The following CDH13 variants were observed in gnomAD, a reference collection of about 807,000 sequenced individuals.
The protein encoded by CDH13 is cadherin-13.
A neutral mutation model predicts 63.8 loss-of-function variants in CDH13; 24 were observed. That is an observed-to-expected ratio of 0.38 (90% CI 0.27 to 0.53). CDH13 has a LOEUF of 0.53. CDH13 is among the 20% of genes least tolerant of loss of function. The pLI, the probability that CDH13 is intolerant of heterozygous loss-of-function variation, is 0.85. For synonymous variants in CDH13, 503 were observed against 355.3 expected, an observed-to-expected ratio of 1.42 and a Z score of -4.67; for missense variants, 1,049 against 903.1, an observed-to-expected ratio of 1.16 and a Z score of -2.07.
intron 8 of CDH13, among the ~76,000 whole-genome samples, chr16:83,610,208 G>A (rs773300959): frequency 5.9e-5 from 9 of 151,502 alleles, no homozygotes; most frequent in South Asian, 4.2e-4. Flanking sequence ...CTTTATCTGC[G>A]TTTTCTCTCA....
In CDH13 at chr16:83,191,502, T is replaced by TAC. The variant is rs1157286256; in HGVS notation, c.484-25842_484-25841insCA. ...ATATATATATATGCACATATATATA[T>TAC]ATACACACACACACACACACACACA... On this transcript the variant is annotated intron_variant, in intron 4 of 13. Transcript: ENST00000567109. Among the ~76,000 whole-genome samples, 187 of 71,232 alleles carry TAC rather than the reference T, an allele frequency of 2.6e-3. 1 individual carries two copies. The highest frequency in any genetic ancestry group is 0.011 in the East Asian group (37 of 3,248). The allele number at this position is 71,232 out of a possible 152,430, so 46.7% of individuals were successfully genotyped here.
intron 5 of CDH13, among the ~76,000 whole-genome samples, chr16:83,253,224 T>C (rs1220434759): frequency 6.6e-6 from 1 of 152,182 alleles, no homozygotes; most frequent in Non-Finnish European, 1.5e-5. Flanking sequence ...TATTTTATGA[T>C]TCCGTAAAAG....
At chr16:82,808,031 G>T (rs952897688) in intron 1 of CDH13, among the ~76,000 whole-genome samples, 1 of 152,124 alleles carries the variant, frequency 6.6e-6, no homozygotes, top group African/African-American at 2.4e-5. Context: ...TGAGCTCTAG[G>T]CAAGGGGCAA....
At chr16:83,073,561 C>G (rs1340003225) in intron 3 of CDH13, among the ~76,000 whole-genome samples, 3 of 152,054 alleles carry the variant, frequency 2.0e-5, no homozygotes, top group Admixed American at 1.3e-4. Context: ...CTCCCTAAAA[C>G]TCTCCTGAGA....
chr16:83,150,747 A>C (rs2036945196), intron 4 of CDH13, among the ~76,000 whole-genome samples: 1 of 152,230 alleles, frequency 6.6e-6, no homozygotes, highest in African/African-American at 2.4e-5. Context: ...TCTGTAAGAC[A>C]GATTTCCAAA....
At chr16:83,794,374 G>GA (rs1441324498) in intron 13 of CDH13, among the ~76,000 whole-genome samples, 1 of 151,906 alleles carries the variant, frequency 6.6e-6, no homozygotes, top group Non-Finnish European at 1.5e-5. Context: ...ACAACATGGC[G>GA]AAACTCCATC....
At chr16:83,445,100 T>C (rs774457797) in intron 6 of CDH13, among the ~76,000 whole-genome samples, 8 of 152,152 alleles carry the variant, frequency 5.3e-5, no homozygotes, top group Non-Finnish European at 1.0e-4. Flanking sequence ...TTCATGGCAG[T>C]GGAGTCTGAA....
At chr16:82,912,929 C>T (rs566359721) in intron 2 of CDH13, among the ~76,000 whole-genome samples, 4 of 145,902 alleles carry the variant, frequency 2.7e-5, no homozygotes, top group East Asian at 2.0e-4. Context: ...GGTGACAGAG[C>T]GAGACTGTGA....
At chr16:83,438,520 A>G (rs2072386449) in intron 6 of CDH13, among the ~76,000 whole-genome samples, 1 of 152,236 alleles carries the variant, frequency 6.6e-6, no homozygotes, top group African/African-American at 2.4e-5. Context: ...TTCATTGACC[A>G]ACTCCCTGGA....
intron 2 of CDH13, among the ~76,000 whole-genome samples, chr16:82,955,442 A>G (rs1178689527): frequency 6.6e-6 from 1 of 152,208 alleles, no homozygotes; most frequent in Non-Finnish European, 1.5e-5. Context: ...CTTCATAATT[A>G]TCCATTTAGT....
At chr16:83,683,822 T>G (rs1402981179) in intron 10 of CDH13, among the ~76,000 whole-genome samples, 1 of 152,188 alleles carries the variant, frequency 6.6e-6, no homozygotes, top group Non-Finnish European at 1.5e-5. Context: ...GTCTAGGCAG[T>G]CAAATTTATA....
chr16:83,178,432 A>G (rs543628981), intron 4 of CDH13, among the ~76,000 whole-genome samples: 5 of 152,180 alleles, frequency 3.3e-5, no homozygotes, highest in Non-Finnish European at 7.3e-5. Flanking sequence ...TCTTCTTGGG[A>G]CCATAATTTC....
intron 7 of CDH13, among the ~76,000 whole-genome samples, chr16:83,530,569 T>G (rs1303423104): frequency 6.6e-6 from 1 of 152,200 alleles, no homozygotes; most frequent in East Asian, 1.9e-4. Context: ...AGTCTACTCC[T>G]TCTATAACCC....
chr16:83,090,405 C>A (rs180943302), intron 3 of CDH13, among the ~76,000 whole-genome samples: 3 of 152,002 alleles, frequency 2.0e-5, no homozygotes, highest in African/African-American at 7.3e-5. Context: ...GAGACCCTGT[C>A]TCTACTAAAA....
Position 83,431,810 on chromosome 16 carries a change from G to A in CDH13, c.782-54667G>A, listed in dbSNP as rs549666658. Among the ~76,000 whole-genome samples the A allele has an allele frequency of 5.3e-5, 8 of 152,206 alleles. No individual in the cohort carries two copies. The South Asian group carries it at 1.0e-3, about 20-fold the overall frequency. The stretch of plus-strand genomic sequence containing the variant: ...AAGAATTCACCCCCATGATCTAATC[G>A]CCTCCCGCCAGGCCCCACCTCCAAC... On this transcript the variant is annotated intron_variant, in intron 6 of 13. Transcript: ENST00000567109.
intron 2 of CDH13, among the ~76,000 whole-genome samples, chr16:82,927,352 A>G (rs1264453549): frequency 2.0e-5 from 3 of 152,178 alleles, no homozygotes; most frequent in Non-Finnish European, 2.9e-5. Context: ...GAGAGATGTA[A>G]TATGATGGCT....
intron 1 of CDH13, among the ~76,000 whole-genome samples, chr16:82,683,185 A>G (rs1914729107): frequency 6.6e-6 from 1 of 152,182 alleles, no homozygotes; most frequent in Non-Finnish European, 1.5e-5. Context: ...TGGTCTTACT[A>G]AACCTTCCCT....
intron 1 of CDH13, among the ~76,000 whole-genome samples, chr16:82,811,982 TAG>T (rs1254307273): frequency 5.3e-5 from 8 of 152,168 alleles, no homozygotes; most frequent in African/African-American, 1.7e-4. Flanking sequence ...GCATTTGGAA[TAG>T]AGACATGAGT....
chr16:82,831,462 A>C (rs2038537307), intron 1 of CDH13, among the ~76,000 whole-genome samples: 1 of 152,156 alleles, frequency 6.6e-6, no homozygotes. Context: ...TGCTTAATAA[A>C]TGCAGTTTGC....
Sources: gnomAD v4.1 joint callset for allele counts (sites outside exome capture counted in the v4.1 genomes callset) on GRCh38, gnomAD v4.1.1 for gene constraint, MANE v1.5 for transcripts, NCBI Gene and HGNC (gene_info 2026-07-23, HGNC 2026-07-21) for gene names.